The following BORCS5 variants were observed in gnomAD, a reference collection of about 807,000 sequenced individuals.
The protein encoded by BORCS5 is BLOC-1 related complex subunit 5.
Under a neutral mutation model 22.1 loss-of-function variants are expected in BORCS5, and 17 were observed. The ratio of observed to expected loss-of-function variants is 0.77; its 90% CI spans 0.53 to 1.15. The LOEUF is 1.15. Ranked by LOEUF, BORCS5 falls within the 50% of genes most tolerant of loss-of-function variation. The pLI is 0.00. For missense variants in BORCS5, 247 were observed against 253.2 expected, an observed-to-expected ratio of 0.98 and a Z score of 0.17; for synonymous variants, 117 against 99.8, an observed-to-expected ratio of 1.17 and a Z score of -1.03.
At chr12:12,427,145 G>A (rs1471845796) in intron 2 of BORCS5, among the ~76,000 whole-genome samples, 1 of 149,354 alleles carries the variant, frequency 6.7e-6, no homozygotes, top group Non-Finnish European at 1.5e-5. Context: ...AAGTTGGGAA[G>A]ATGGTTTTAG....
Position 12,470,570 on chromosome 12 carries a change from A to G in BORCS5, c.*4794A>G, listed in dbSNP as rs1388741614. Among the ~76,000 whole-genome samples the G allele has an allele frequency of 6.6e-6, 1 of 152,136 alleles. No homozygotes were observed. Among genetic ancestry groups the G allele is most frequent in the Non-Finnish European group, 1.5e-5 (1 of 68,034 alleles). On this transcript the variant is annotated 3_prime_UTR_variant, in exon 4 of 4. Transcript: ENST00000314565. Reference sequence around the variant, plus strand: ...GATGGAACGGTTTCATCCAGAAACCATCCCCCTGCTTCCCTGTCTGTAGAA... The same window carrying G: ...GATGGAACGGTTTCATCCAGAAACCGTCCCCCTGCTTCCCTGTCTGTAGAA...
In BORCS5 at chr12:12,465,647, C is replaced by T. The variant is rs1284944113; in HGVS notation, c.462C>T (p.Ala154=). ...TCCAGAAAGTGAACGAGATGTCCGC[C>T]ATCCTCCGCCGCATACAGATGGGCA... is the stretch of plus-strand genomic sequence containing the variant. ...EQIQKVNEMS[A]ILRRIQMGID... The change falls in exon 4 of 4, where the codon GCC becomes GCT. Residue 154 remains alanine, a synonymous_variant. Transcript: ENST00000314565. 4 of 1,614,144 alleles carry T rather than the reference C, an allele frequency of 2.5e-6. No homozygotes were observed. The highest frequency in any genetic ancestry group is 1.3e-5 in the African/African-American group (1 of 74,948).
intron 3 of BORCS5, among the ~76,000 whole-genome samples, chr12:12,438,812 T>C (rs1391939340): frequency 6.6e-6 from 1 of 152,224 alleles, no homozygotes; most frequent in Non-Finnish European, 1.5e-5. Flanking sequence ...CATTCATAAA[T>C]ATTTAAGTAT....
chr12:12,399,573 T>A (rs1329386562), intron 2 of BORCS5, among the ~76,000 whole-genome samples: 1 of 152,232 alleles, frequency 6.6e-6, no homozygotes, highest in Non-Finnish European at 1.5e-5. Context: ...AGATTTTACA[T>A]GGCATTGTTA....
chr12:12,384,867 G>C (rs1413693718), intron 2 of BORCS5, among the ~76,000 whole-genome samples: 2 of 151,114 alleles, frequency 1.3e-5, no homozygotes, highest in African/African-American at 2.4e-5. Context: ...CGTCTGGGCA[G>C]CTCTCTTTAT....
chr12:12,358,273 G>A lies in BORCS5; in HGVS notation c.58+764G>A, dbSNP rs575887509. On this transcript the variant is annotated intron_variant, in intron 1 of 3. Transcript: ENST00000314565. The stretch of plus-strand genomic sequence containing the variant: ...TTGCTAACGCAAATTGGTTAAATCT[G>A]GGGCCTAAAAAGAGTCGCCGATTTT... Among the ~76,000 whole-genome samples, 215 of 152,326 alleles carry A rather than the reference G, an allele frequency of 1.4e-3. 1 individual carries two copies. The highest frequency in any genetic ancestry group is 3.4e-3 in the Middle Eastern group (1 of 294).
rs370097500 is a variant in BORCS5, at chr12:12,401,830, G to A, written c.203-33798G>A. On this transcript the variant is annotated intron_variant, in intron 2 of 3. Coordinates refer to ENST00000314565, the MANE Select transcript of BORCS5 (RefSeq NM_058169.6). ...TCCCAGCACTTTGGGAGGCCAAGGC[G>A]GGCGGATCACGAGGTCAGAAGATCG... Among the ~76,000 whole-genome samples the A allele has an allele frequency of 1.8e-4, 28 of 152,126 alleles. No individual in the cohort carries two copies. The East Asian group carries it at 4.3e-3, about 23-fold the overall frequency.
chr12:12,416,089 C>G (rs943183636), intron 2 of BORCS5, among the ~76,000 whole-genome samples: 5 of 152,060 alleles, frequency 3.3e-5, no homozygotes, highest in African/African-American at 1.2e-4. Context: ...TCCATTTCAC[C>G]TAGGTTATCT....
At chr12:12,414,338 G>GC (rs1303543125) in intron 2 of BORCS5, among the ~76,000 whole-genome samples, 5,032 of 62,024 alleles carry the variant, frequency 0.081, 878 homozygotes, top group African/African-American at 0.19. Flanking sequence ...CGGGGGGCTG[G>GC]CCCCCCCACC....
At chr12:12,439,492 G>A (rs577713736) in intron 3 of BORCS5, among the ~76,000 whole-genome samples, 88 of 151,714 alleles carry the variant, frequency 5.8e-4, no homozygotes, top group Admixed American at 1.2e-3. Flanking sequence ...AAAACAAACA[G>A]GCATGGTGGT....
chr12:12,394,280 C>G (rs147981678), intron 2 of BORCS5, among the ~76,000 whole-genome samples: 2,058 of 152,022 alleles, frequency 0.014, 53 homozygotes, highest in African/African-American at 0.047. Context: ...GAGCTGAGAT[C>G]ATGCCACTGC....
At position 12,401,894 on chromosome 12, in the gene BORCS5, T is replaced by TA. The variant is rs548454938; in HGVS notation, c.203-33722dup. ...TAACATGGTGAAACCCTGTCTCTAC[T>TA]AAAAAAAAAAAATACAAAAAAATTA... On this transcript the variant is annotated intron_variant, in intron 2 of 3. Transcript: ENST00000314565. Among the ~76,000 whole-genome samples, 3,325 of 143,678 alleles carry TA rather than the reference T, an allele frequency of 0.023. 183 individuals carry two copies. The East Asian group carries it at 0.24, about 11-fold the overall frequency. 94.3% of individuals were successfully genotyped at this position (143,678 alleles called of 152,430 possible).
At chr12:12,462,207 A>T (rs1264461187) in intron 3 of BORCS5, among the ~76,000 whole-genome samples, 1 of 152,234 alleles carries the variant, frequency 6.6e-6, no homozygotes, top group Non-Finnish European at 1.5e-5. Flanking sequence ...GCTGGGCAGG[A>T]TGATAATGTT....
At chr12:12,415,554 A>AAG (rs1555151606) in intron 2 of BORCS5, among the ~76,000 whole-genome samples, 13 of 3,628 alleles carry the variant, frequency 3.6e-3, no homozygotes, top group African/African-American at 9.3e-3. Context: ...GAGACCGTGG[A>AAG]GAGAGGGGGA....
chr12:12,445,617 T>C (rs145859764), intron 3 of BORCS5, among the ~76,000 whole-genome samples: 1 of 145,856 alleles, frequency 6.9e-6, no homozygotes, highest in African/African-American at 2.6e-5. Context: ...TAGGGCCTGG[T>C]ACTTGCTCTT....
intron 3 of BORCS5, among the ~76,000 whole-genome samples, chr12:12,463,988 C>T (rs183986728): frequency 6.6e-6 from 1 of 152,272 alleles, no homozygotes; most frequent in Admixed American, 6.5e-5. Flanking sequence ...CAGGATTCCA[C>T]CTGGCTCCCA....
chr12:12,359,299 A>G (rs1174689147), intron 1 of BORCS5, among the ~76,000 whole-genome samples: 3 of 151,470 alleles, frequency 2.0e-5, no homozygotes, highest in East Asian at 1.9e-4. Context: ...ACTCAGGCCC[A>G]GGTGGGAGGA....
intron 1 of BORCS5, 90 bp downstream of exon 1, chr12:12,357,599 C>T (rs946214597): frequency 3.1e-5 from 43 of 1,369,706 alleles, no homozygotes; most frequent in Non-Finnish European, 4.0e-5. Flanking sequence ...GGACTGCGGA[C>T]GGGAACGCAC....
At chr12:12,458,577 C>CTT (rs1943040441) in intron 3 of BORCS5, among the ~76,000 whole-genome samples, 1 of 138,240 alleles carries the variant, frequency 7.2e-6, no homozygotes, top group African/African-American at 3.0e-5. Flanking sequence ...TCTTTTCTTT[C>CTT]CTTTTTTTTT....
Sources: gnomAD v4.1 joint callset for allele counts (sites outside exome capture counted in the v4.1 genomes callset) on GRCh38, gnomAD v4.1.1 for gene constraint, MANE v1.5 for transcripts, NCBI Gene and HGNC (gene_info 2026-07-23, HGNC 2026-07-21) for gene names.